The following PCDHGB4 variants were observed in gnomAD, a reference collection of about 807,000 sequenced individuals.
PCDHGB4 encodes the protein protocadherin gamma subfamily B, 4.
In PCDHGB4, 38 loss-of-function variants were observed where a neutral mutation model predicts 60.5. The ratio of observed to expected loss-of-function variants is 0.63; its 90% CI spans 0.48 to 0.82. The LOEUF (loss-of-function observed/expected upper bound fraction) is 0.82, where lower values mean the gene tolerates loss of function less well. Ranked by LOEUF, PCDHGB4 falls within the 40% of genes least tolerant of loss-of-function variation. The pLI, the probability that PCDHGB4 is intolerant of heterozygous loss-of-function variation, is 0.00. For synonymous variants in PCDHGB4, 456 were observed against 509.7 expected (o/e 0.89, Z 1.42); for missense variants, 1,109 against 1,209.6 (o/e 0.92, Z 1.23).
At chr5:141,504,483 AGGCACC>A (rs2099838618) in intron 2 of PCDHGB4, among the ~76,000 whole-genome samples, 1 of 151,954 alleles carries the variant, frequency 6.6e-6, no homozygotes, top group Non-Finnish European at 1.5e-5. Flanking sequence ...AGTACAGTGG[AGGCACC>A]TGCCCAGTCT....
In PCDHGB4 at chr5:141,431,211, G is replaced by A. The variant is rs1054638121; in HGVS notation, c.2397+40930G>A. The A allele has an allele frequency of 6.2e-7, 1 of 1,614,004 alleles. No individual in the cohort carries two copies. The highest frequency in any genetic ancestry group is 1.7e-5 in the Admixed American group (1 of 60,006). ...AGTGAAAATGCAGCCACTGAGATGC[G>A]GTTCCCTCTACCCCACGCCTGGGAT... On this transcript the variant is annotated intron_variant, in intron 1 of 3. Coordinates refer to ENST00000519479, the MANE Select transcript of PCDHGB4 (RefSeq NM_003736.4). This position sits in a 1 kb window ranked among gnomAD's most constrained non-coding sequence, Gnocchi z 4.8.
At chr5:141,471,046 C>G (rs960750377) in intron 1 of PCDHGB4, among the ~76,000 whole-genome samples, 3 of 113,280 alleles carry the variant, frequency 2.6e-5, no homozygotes, top group African/African-American at 1.1e-4. Context: ...CCCAAGCCCT[C>G]TTTTTTTTTT....
At chr5:141,406,870 G>T (rs903338003) in intron 1 of PCDHGB4, among the ~76,000 whole-genome samples, 1 of 152,230 alleles carries the variant, frequency 6.6e-6, no homozygotes, top group Non-Finnish European at 1.5e-5. Flanking sequence ...CTCAGGAACT[G>T]CTGGGAAGAT....
At position 141,430,258 on chromosome 5, in the gene PCDHGB4, A is replaced by G. The variant is rs542653323; in HGVS notation, c.2397+39977A>G. On this transcript the variant is annotated intron_variant, in intron 1 of 3. Coordinates refer to ENST00000519479, the MANE Select transcript of PCDHGB4 (RefSeq NM_003736.4). ...GAGAAACTCCTAGGGAGACATCTCC[A>G]TAATAGGTGTGTTGGGGGAACAGTA... is the stretch of plus-strand genomic sequence containing the variant. Among the ~76,000 whole-genome samples the G allele has an allele frequency of 5.4e-5, 8 of 148,074 alleles. No homozygotes were observed. In the South Asian group the frequency reaches 8.5e-4, roughly 16 times the overall value.
Position 141,431,046 on chromosome 5 carries a change from G to A in PCDHGB4, c.2397+40765G>A, listed in dbSNP as rs1324139757. 7 of 1,614,240 alleles carry A rather than the reference G, an allele frequency of 4.3e-6. 1 individual carries two copies. The Admixed American group carries it at 1.0e-4, about 23-fold the overall frequency. ...GGCAGGATAGACCGGGAGGAGCTCTGTATGGGGGCCATCAAGTGTCAATTA... is the reference window on the plus strand; with the variant it reads ...GGCAGGATAGACCGGGAGGAGCTCTATATGGGGGCCATCAAGTGTCAATTA... On this transcript the variant is annotated intron_variant, in intron 1 of 3. Transcript: ENST00000519479. The surrounding 1 kb of genome is among the most constrained non-coding windows in gnomAD (Gnocchi z 4.8).
chr5:141,396,790 C>G (rs2093435054), intron 1 of PCDHGB4, among the ~76,000 whole-genome samples: 2 of 152,128 alleles, frequency 1.3e-5, no homozygotes. Flanking sequence ...AGGACATTTC[C>G]TAAGGATTGT....
At chr5:141,501,287 T>C (rs1025193070) in intron 2 of PCDHGB4, among the ~76,000 whole-genome samples, 1 of 96,980 alleles carries the variant, frequency 1.0e-5, no homozygotes, top group African/African-American at 4.2e-5. Context: ...GGATATTCCC[T>C]TATACACACA....
chr5:141,422,421 T>C, intron 1 of PCDHGB4: 1 of 1,607,810 alleles, frequency 6.2e-7, no homozygotes, highest in Non-Finnish European at 8.5e-7. Context: ...TAGAAAAGAC[T>C]TATGGAAATT....
At position 141,489,749 on chromosome 5, in the gene PCDHGB4, AC is replaced by A; in HGVS notation, c.2398-5057del. ...GTGGGCACCAATACTGTGAGCTTTT[AC>A]ACTCTAAGCCCCAACAGCCACTTCT... is the stretch of plus-strand genomic sequence containing the variant. On this transcript the variant is annotated intron_variant, in intron 1 of 3. Transcript: ENST00000519479. The surrounding 1 kb of genome is among the most constrained non-coding windows in gnomAD (Gnocchi z 4.5). 6.2e-7 allele frequency: 1 copy of A among 1,614,126 alleles called. No individual in the cohort carries two copies. Among genetic ancestry groups the A allele is most frequent in the Non-Finnish European group, 8.5e-7 (1 of 1,180,002 alleles).
chr5:141,491,980 C>A lies in PCDHGB4; in HGVS notation c.2398-2827C>A. On this transcript the variant is annotated intron_variant, in intron 1 of 3. Coordinates refer to ENST00000519479, the MANE Select transcript of PCDHGB4 (RefSeq NM_003736.4). This position sits in a 1 kb window ranked among gnomAD's most constrained non-coding sequence, Gnocchi z 6.9. ...AAAAAAGGCCGGGGCCTCCTTCGAGCTTCCGGTGAATTTCGGGCGATTTCC... is the reference window on the plus strand; with the variant it reads ...AAAAAAGGCCGGGGCCTCCTTCGAGATTCCGGTGAATTTCGGGCGATTTCC... 1.3e-6 allele frequency: 1 copy of A among 784,426 alleles called. No homozygotes were observed. Among genetic ancestry groups the A allele is most frequent in the Non-Finnish European group, 1.9e-6 (1 of 530,582 alleles). The allele number at this position is 784,426 out of a possible 1,614,324, so 48.6% of individuals were successfully genotyped here.
intron 1 of PCDHGB4, among the ~76,000 whole-genome samples, chr5:141,488,493 C>T (rs1594759823): frequency 6.6e-6 from 1 of 152,226 alleles, no homozygotes; most frequent in East Asian, 1.9e-4. Context: ...AAAACTGTAA[C>T]ACTCATTCCA....
chr5:141,506,398 A>T (rs902405970), intron 3 of PCDHGB4, among the ~76,000 whole-genome samples: 6 of 151,394 alleles, frequency 4.0e-5, no homozygotes, highest in Admixed American at 2.6e-4. Context: ...GTGAGCAGAA[A>T]ATCGCACCAC....
At chr5:141,398,343 G>A (rs1393305647) in intron 1 of PCDHGB4, 6 of 1,380,544 alleles carry the variant, frequency 4.3e-6, no homozygotes, top group Non-Finnish European at 6.0e-6. Context: ...GTTCGGAGAA[G>A]CCTTACTTCA....
At position 141,476,792 on chromosome 5, in the gene PCDHGB4, G is replaced by T. The variant is rs376910320; in HGVS notation, c.2398-18015G>T. ...GGACGGAGGGACCCCAGCTCTCTCC[G>T]CCAGCCTGCCTATTCACATCAAGGT... On this transcript the variant is annotated intron_variant, in intron 1 of 3. Coordinates refer to ENST00000519479, the MANE Select transcript of PCDHGB4 (RefSeq NM_003736.4). The surrounding 1 kb of genome is among the most constrained non-coding windows in gnomAD (Gnocchi z 7.6). 4.3e-6 allele frequency: 7 copies of T among 1,612,720 alleles called. No individual in the cohort carries two copies. Among genetic ancestry groups the T allele is most frequent in the Non-Finnish European group, 5.1e-6 (6 of 1,179,958 alleles).
chr5:141,389,392 T>C lies in PCDHGB4; in HGVS notation c.1508T>C (p.Val503Ala), dbSNP rs1258153986. ...GAGCAGCGGGAGCTGTCATCCTACG[T>C]GTCCATAAGCGCGGAGAGCGGGGTG... ...DLEQRELSSY[V>A]SISAESGVVF... is the part of the protein sequence containing the mutation. The change falls in exon 1 of 4, where the codon GTG (valine) becomes GCG (alanine). Residue 503 changes from valine to alanine, a missense_variant. By Grantham distance (64) the Val-to-Ala change is moderately conservative. Coordinates refer to ENST00000519479, the MANE Select transcript of PCDHGB4 (RefSeq NM_003736.4). 1.9e-6 allele frequency: 3 copies of C among 1,613,686 alleles called. No homozygotes were observed. The highest frequency in any genetic ancestry group is 2.5e-6 in the Non-Finnish European group (3 of 1,179,898).
chr5:141,431,460 A>T lies in PCDHGB4; in HGVS notation c.2397+41179A>T, dbSNP rs761879594. On this transcript the variant is annotated intron_variant, in intron 1 of 3. Transcript: ENST00000519479. This position sits in a 1 kb window ranked among gnomAD's most constrained non-coding sequence, Gnocchi z 4.8. The stretch of plus-strand genomic sequence containing the variant: ...GCGCGCATCCGCGTGATGGTTCTGG[A>T]TGCGAACGACAACGCACCAGCGTTT... The T allele has an allele frequency of 6.2e-7, 1 of 1,613,794 alleles. No individual in the cohort carries two copies. The highest frequency in any genetic ancestry group is 1.7e-5 in the Admixed American group (1 of 60,032).
intron 1 of PCDHGB4, chr5:141,412,660 T>C (rs1337663720): frequency 6.6e-6 from 1 of 152,262 alleles, no homozygotes; most frequent in African/African-American, 2.4e-5. Flanking sequence ...ACCTAGACAC[T>C]AATATGACCT....
intron 1 of PCDHGB4, chr5:141,403,495 C>A: frequency 6.2e-7 from 1 of 1,614,014 alleles, no homozygotes; most frequent in Non-Finnish European, 8.5e-7. Context: ...TCTCCCTGAA[C>A]GTGCAGACTG....
In PCDHGB4 at chr5:141,487,259, T is replaced by A. The variant is rs2099641960; in HGVS notation, c.2398-7548T>A. 1.9e-6 allele frequency: 3 copies of A among 1,614,014 alleles called. No individual in the cohort carries two copies. The highest frequency in any genetic ancestry group is 1.3e-5 in the African/African-American group (1 of 74,926). ...TCGTCTAACCCTCTACTTGGCTGTGTCCCTAGTGGCAATTTGCTTTGTCTC... is the reference window on the plus strand; with the variant it reads ...TCGTCTAACCCTCTACTTGGCTGTGACCCTAGTGGCAATTTGCTTTGTCTC... On this transcript the variant is annotated intron_variant, in intron 1 of 3. Coordinates refer to ENST00000519479, the MANE Select transcript of PCDHGB4 (RefSeq NM_003736.4). The surrounding 1 kb of genome is among the most constrained non-coding windows in gnomAD (Gnocchi z 5.0).
Sources: gnomAD v4.1 joint callset for allele counts (sites outside exome capture counted in the v4.1 genomes callset) on GRCh38, gnomAD v4.1.1 for gene constraint, Gnocchi (gnomAD v3.1) non-coding constraint, MANE v1.5 for transcripts, NCBI Gene and HGNC (gene_info 2026-07-23, HGNC 2026-07-21) for gene names.